TACC2: variants seen among roughly 807,000 people sequenced by gnomAD.
TACC2 encodes transforming acidic coiled-coil containing protein 2.
In TACC2, 137 loss-of-function variants were observed where a neutral mutation model predicts 227.3. That is an observed-to-expected ratio of 0.60 (90% CI 0.52 to 0.69). TACC2 has a LOEUF of 0.69. Among genes scored for constraint, TACC2 ranks in the 30% least tolerant of loss-of-function variants. The pLI is 0.00. For missense variants in TACC2, 3,470 were observed against 3,694.4 expected (o/e 0.94, Z 1.57); for synonymous variants, 1,523 against 1,487.5 (o/e 1.02, Z -0.55).
chr10:122,015,275 T>TG (rs1234617964), intron 1 of TACC2, among the ~76,000 whole-genome samples: 1 of 151,640 alleles, frequency 6.6e-6, no homozygotes, highest in Non-Finnish European at 1.5e-5. Context: ...GAGGCCGAGG[T>TG]GGGGGGATCA....
intron 6 of TACC2, among the ~76,000 whole-genome samples, chr10:122,134,941 G>A (rs1429337243): frequency 6.6e-6 from 1 of 152,206 alleles, no homozygotes; most frequent in Non-Finnish European, 1.5e-5. Flanking sequence ...TCCATAGTAG[G>A]TGAGTGGCAC....
chr10:122,232,684 A>G (rs941675490), intron 16 of TACC2, among the ~76,000 whole-genome samples: 1 of 152,162 alleles, frequency 6.6e-6, no homozygotes, highest in African/African-American at 2.4e-5. Flanking sequence ...CCTGTGGAAA[A>G]TAGATGGTGT....
At chr10:122,025,933 A>G (rs901763073) in intron 2 of TACC2, among the ~76,000 whole-genome samples, 3 of 151,884 alleles carry the variant, frequency 2.0e-5, no homozygotes, top group Middle Eastern at 3.2e-3. Context: ...CTAGATACTA[A>G]TCCTTTGTCA....
At chr10:122,025,427 A>C (rs925715189) in intron 2 of TACC2, among the ~76,000 whole-genome samples, 1 of 150,916 alleles carries the variant, frequency 6.6e-6, no homozygotes, top group African/African-American at 2.4e-5. Context: ...TGCTTGGCTA[A>C]TTTTTTTGTA....
intron 7 of TACC2, among the ~76,000 whole-genome samples, chr10:122,190,899 C>T (rs764672761): frequency 6.6e-6 from 1 of 152,074 alleles, no homozygotes; most frequent in Non-Finnish European, 1.5e-5. Context: ...CATTACATAT[C>T]GTAAAATGCT....
intron 1 of TACC2, among the ~76,000 whole-genome samples, chr10:122,006,921 G>A (rs1955240997): frequency 6.7e-6 from 1 of 148,944 alleles, no homozygotes; most frequent in African/African-American, 2.5e-5. Flanking sequence ...GAGTGCAATG[G>A]CGTGATCTTG....
intron 5 of TACC2, among the ~76,000 whole-genome samples, chr10:122,130,440 T>C (rs1334887093): frequency 6.6e-6 from 1 of 152,078 alleles, no homozygotes; most frequent in Non-Finnish European, 1.5e-5. Flanking sequence ...ATACTCTTCC[T>C]TTTTTAAGCT....
chr10:122,127,837 T>G (rs1042022582), intron 5 of TACC2, among the ~76,000 whole-genome samples: 1 of 152,228 alleles, frequency 6.6e-6, no homozygotes, highest in Admixed American at 6.5e-5. Flanking sequence ...TGACAGTTTA[T>G]TTCTTTGTAG....
At chr10:122,136,972 A>T (rs2089794348) in intron 6 of TACC2, among the ~76,000 whole-genome samples, 1 of 152,178 alleles carries the variant, frequency 6.6e-6, no homozygotes, top group Non-Finnish European at 1.5e-5. Context: ...TTGCCTGCTA[A>T]TTCTTTGGTG....
chr10:122,020,250 A>G (rs1957167604), intron 1 of TACC2, among the ~76,000 whole-genome samples: 2 of 152,224 alleles, frequency 1.3e-5, no homozygotes, highest in Admixed American at 6.5e-5. Flanking sequence ...ATGAACATAA[A>G]AAATAAATGG....
intron 16 of TACC2, among the ~76,000 whole-genome samples, chr10:122,234,368 C>T (rs1459099736): frequency 3.3e-5 from 5 of 152,238 alleles, no homozygotes; most frequent in African/African-American, 4.8e-5. Context: ...ATGCCTTCTG[C>T]GTCACAGCCA....
intron 7 of TACC2, chr10:122,163,774 C>G: frequency 8.2e-7 from 1 of 1,221,244 alleles, no homozygotes; most frequent in Non-Finnish European, 1.0e-6. Context: ...TCCCTGCCGC[C>G]GCTCCCGCCG....
Position 122,251,592 on chromosome 10 carries a change from C to T in TACC2, c.8781+1928C>T, listed in dbSNP as rs189005813. 2.1e-4 allele frequency among the ~76,000 whole-genome samples: 32 copies of T among 152,244 alleles called. 1 individual carries two copies. The East Asian group carries it at 3.9e-3, about 18-fold the overall frequency. On this transcript the variant is annotated intron_variant, in intron 22 of 22. Transcript: ENST00000369005. Reference sequence around the variant, plus strand: ...GCATGCGACTGTGGTCCCAGCTATTCGGGAGGCTAAGGTGGGAGGACTGCT... The same window carrying T: ...GCATGCGACTGTGGTCCCAGCTATTTGGGAGGCTAAGGTGGGAGGACTGCT...
Position 122,107,557 on chromosome 10 carries a change from C to A in TACC2, c.5573+18966C>A, listed in dbSNP as rs968420393. Among the ~76,000 whole-genome samples the A allele has an allele frequency of 3.3e-5, 5 of 151,928 alleles. No individual in the cohort carries two copies. The East Asian group carries it at 9.6e-4, about 29-fold the overall frequency. On this transcript the variant is annotated intron_variant, in intron 5 of 22. Coordinates refer to ENST00000369005, the MANE Select transcript of TACC2 (RefSeq NM_206862.4). Reference sequence around the variant, plus strand: ...TGAGCCCAGATCACACTGTTGCACTCCACCCTGGGTGAGAAAATGAGAAGA... The same window carrying A: ...TGAGCCCAGATCACACTGTTGCACTACACCCTGGGTGAGAAAATGAGAAGA...
At chr10:122,251,554 G>A (rs1244164013) in intron 22 of TACC2, among the ~76,000 whole-genome samples, 1 of 152,118 alleles carries the variant, frequency 6.6e-6, no homozygotes, top group African/African-American at 2.4e-5. Flanking sequence ...CATACTAGAA[G>A]CCAGGCATGT....
At chr10:122,187,571 A>G (rs2094249666) in intron 7 of TACC2, among the ~76,000 whole-genome samples, 1 of 151,892 alleles carries the variant, frequency 6.6e-6, no homozygotes, top group East Asian at 1.9e-4. Context: ...GCTCACTGCA[A>G]TCTCTGCCTC....
rs763354809 is a variant in TACC2, at chr10:122,084,413, A to T, written c.1913A>T (p.Lys638Met). ...PSSHSAQPPR[K>M]GGAGHTDGPH... is the part of the protein sequence containing the mutation. The stretch of plus-strand genomic sequence containing the variant: ...TCACACTCAGCACAGCCACCCAGAA[A>T]GGGGGGTGCTGGGCACACGGACGGG... The change falls in exon 4 of 23, where the codon AAG (lysine) becomes ATG (methionine). Residue 638 changes from lysine to methionine, a missense_variant. This residue lies in a region of TACC2 where 1,924 missense variants were observed against 1,978.3 expected (regional missense o/e 0.97). Transcript: ENST00000369005. The T allele has an allele frequency of 7.4e-6, 12 of 1,612,870 alleles. No individual in the cohort carries two copies.
At chr10:122,176,862 C>T (rs1171546440) in intron 7 of TACC2, among the ~76,000 whole-genome samples, 3 of 152,054 alleles carry the variant, frequency 2.0e-5, no homozygotes, top group East Asian at 1.9e-4. Flanking sequence ...AAGAAGGGTC[C>T]GAAGAGGGAA....
intron 7 of TACC2, among the ~76,000 whole-genome samples, chr10:122,183,001 C>T (rs1031793156): frequency 1.3e-5 from 2 of 151,498 alleles, no homozygotes; most frequent in Admixed American, 6.6e-5. Context: ...GCCAGGAGTT[C>T]GAGACCAGCC....
Sources: gnomAD v4.1 joint callset for allele counts (sites outside exome capture counted in the v4.1 genomes callset) on GRCh38, gnomAD v4.1.1 for gene constraint, gnomAD v4.1.1 regional missense constraint, MANE v1.5 for transcripts, NCBI Gene and HGNC (gene_info 2026-07-23, HGNC 2026-07-21) for gene names.